Variants in CREBRF observed in about 807,000 individuals in gnomAD.
CREBRF encodes the protein CREB3 regulatory factor, also known as UPF0474 protein C5orf41.
A neutral mutation model predicts 66.1 loss-of-function variants in CREBRF; 5 were observed. That is an observed-to-expected ratio of 0.08 (90% CI 0.04 to 0.16). The LOEUF is 0.16. CREBRF is among the 10% of genes least tolerant of loss of function. CREBRF has a pLI of 1.00. For synonymous variants in CREBRF, 229 were observed against 264.4 expected (o/e 0.87, Z 1.30); for missense variants, 531 against 744.9 (o/e 0.71, Z 3.34).
At position 173,136,553 on chromosome 5, in the gene CREBRF, A is replaced by C. The variant is rs1349884302; in HGVS notation, c.*2808A>C. On this transcript the variant is annotated 3_prime_UTR_variant, in exon 9 of 9. Coordinates refer to ENST00000296953, the MANE Select transcript of CREBRF (RefSeq NM_153607.3). ...CCTCTTGCTGTTTTAACTTTATCATAAAGATGACATAGGCAAGCTGTGCAG... is the reference window on the plus strand; with the variant it reads ...CCTCTTGCTGTTTTAACTTTATCATCAAGATGACATAGGCAAGCTGTGCAG... 3 of 152,524 alleles carry C rather than the reference A, an allele frequency of 2.0e-5. No individual in the cohort carries two copies. Among genetic ancestry groups the C allele is most frequent in the African/African-American group, 7.2e-5 (3 of 41,456 alleles). The allele number at this position is 152,524 out of a possible 1,614,324, so 9.4% of individuals were successfully genotyped here.
At chr5:173,064,082 G>GT (rs368758322) in intron 1 of CREBRF, among the ~76,000 whole-genome samples, 5,760 of 151,090 alleles carry the variant, frequency 0.038, 229 homozygotes, top group African/African-American at 0.095. Flanking sequence ...TTGTCCTCCA[G>GT]TTTTTTTTTA....
intron 4 of CREBRF, among the ~76,000 whole-genome samples, chr5:173,093,877 C>T (rs965205492): frequency 3.9e-5 from 6 of 152,202 alleles, no homozygotes; most frequent in African/African-American, 1.4e-4. Context: ...ATTCATCCTG[C>T]ATAACTGAAA....
intron 2 of CREBRF, among the ~76,000 whole-genome samples, chr5:173,083,918 G>A (rs1286397246): frequency 2.0e-5 from 3 of 152,040 alleles, no homozygotes; most frequent in African/African-American, 7.2e-5. Context: ...TATTTCAAAG[G>A]TGCAATACTT....
chr5:173,114,600 G>A (rs1386665931), intron 7 of CREBRF, among the ~76,000 whole-genome samples: 1 of 152,170 alleles, frequency 6.6e-6, no homozygotes, highest in Non-Finnish European at 1.5e-5. Flanking sequence ...TATGAAAAAT[G>A]TACTCTGTTG....
rs146596633 is a variant in CREBRF at position 173,093,572 on chromosome 5, G to A, written c.1222+2171G>A. ...GGCTCAATTGCCTAGGCTGGAGTGCGGTGGCACAATCTTGGCTCACTGCAA... is the reference window on the plus strand; with the variant it reads ...GGCTCAATTGCCTAGGCTGGAGTGCAGTGGCACAATCTTGGCTCACTGCAA... On this transcript the variant is annotated intron_variant, in intron 4 of 8. Transcript: ENST00000296953. Among the ~76,000 whole-genome samples the A allele has an allele frequency of 1.4e-4, 22 of 152,224 alleles. No homozygotes were observed. The East Asian group carries it at 3.3e-3, about 23-fold the overall frequency.
chr5:173,077,714 C>T (rs923583376), intron 1 of CREBRF, among the ~76,000 whole-genome samples: 2 of 151,982 alleles, frequency 1.3e-5, no homozygotes, highest in African/African-American at 4.8e-5. Flanking sequence ...TTTTATCATC[C>T]CAAACAGAAA....
At chr5:173,127,886 G>T (rs1279893617) in intron 8 of CREBRF, among the ~76,000 whole-genome samples, 1 of 152,146 alleles carries the variant, frequency 6.6e-6, no homozygotes, top group East Asian at 1.9e-4. Flanking sequence ...AGTGAGCAAA[G>T]CATTTTTGTT....
At position 173,090,628 on chromosome 5, in the gene CREBRF, T is replaced by C. The variant is rs1758296907; in HGVS notation, c.449T>C (p.Val150Ala). The C allele has an allele frequency of 6.2e-7, 1 of 1,614,074 alleles. No individual in the cohort carries two copies. The highest frequency in any genetic ancestry group is 1.1e-5 in the South Asian group (1 of 91,088). The change falls in exon 4 of 9, where the codon GTT (valine) becomes GCT (alanine). Residue 150 changes from valine to alanine, a missense_variant. By Grantham distance (64) the Val-to-Ala change is moderately conservative (BLOSUM62 0). This residue lies in a region of CREBRF where 133 missense variants were observed against 215.6 expected (regional missense o/e 0.62). Coordinates refer to ENST00000296953, the MANE Select transcript of CREBRF (RefSeq NM_153607.3). This position sits in a 1 kb window ranked among gnomAD's most constrained non-coding sequence, Gnocchi z 4.5. ...AQLNSEDSQS[V>A]SDSLYYPDSL... ...CTTAATAGTGAGGACTCACAGTCTG[T>C]TTCTGATTCCCTTTATTACCCCGAT...
chr5:173,077,495 C>A (rs1264859239), intron 1 of CREBRF, among the ~76,000 whole-genome samples: 1 of 151,920 alleles, frequency 6.6e-6, no homozygotes, highest in Non-Finnish European at 1.5e-5. Flanking sequence ...CAGGTTCAAG[C>A]GATTCTCCTG....
intron 8 of CREBRF, among the ~76,000 whole-genome samples, chr5:173,124,770 T>C (rs1489364292): frequency 6.6e-6 from 1 of 152,042 alleles, no homozygotes; most frequent in Non-Finnish European, 1.5e-5. Flanking sequence ...CAAATGTTTT[T>C]AGTGTTTGAT....
chr5:173,117,639 TTCTCTCCTC>T (rs1213746550), intron 7 of CREBRF, among the ~76,000 whole-genome samples: 2 of 56,506 alleles, frequency 3.5e-5, no homozygotes, highest in Non-Finnish European at 8.5e-5. Context: ...CCCTCCCTCC[TTCTCTCCTC>T]TCTCTCTCTC....
Position 173,086,554 on chromosome 5 carries a change from C to G in CREBRF, c.63C>G (p.Thr21=), listed in dbSNP as rs770323307. The stretch of plus-strand genomic sequence containing the variant: ...TCGGGGATGCCTTTCGAAGCCACAC[C>G]TTTTCGGAACAAACTCTGATGAGCA... ...PPFGDAFRSH[T]FSEQTLMSTD... is the part of the protein sequence containing the mutation. Residue 21 remains threonine, a synonymous_variant, in exon 3 of 9, where the codon ACC becomes ACG. Transcript: ENST00000296953. 1 of 1,613,918 alleles carries G rather than the reference C, an allele frequency of 6.2e-7. No homozygotes were observed. The highest frequency in any genetic ancestry group is 8.5e-7 in the Non-Finnish European group (1 of 1,179,886).
At chr5:173,121,926 T>TCACCA (rs1323761646) in intron 7 of CREBRF, among the ~76,000 whole-genome samples, 1 of 152,012 alleles carries the variant, frequency 6.6e-6, no homozygotes, top group Non-Finnish European at 1.5e-5. Flanking sequence ...CTATTCACAG[T>TCACCA]CACCATCCTA....
chr5:173,085,375 G>T, intron 2 of CREBRF: 1 of 1,267,622 alleles, frequency 7.9e-7, no homozygotes, highest in Non-Finnish European at 1.1e-6. Flanking sequence ...CGATCCTGGA[G>T]GCTCCAGGGC....
At chr5:173,121,141 G>A (rs1759129499) in intron 7 of CREBRF, among the ~76,000 whole-genome samples, 1 of 152,054 alleles carries the variant, frequency 6.6e-6, no homozygotes, top group Admixed American at 6.6e-5. Context: ...TTTCGTTACT[G>A]ATATGAGTGA....
At chr5:173,082,837 G>T (rs568855407) in intron 2 of CREBRF, among the ~76,000 whole-genome samples, 4 of 140,922 alleles carry the variant, frequency 2.8e-5, no homozygotes, top group African/African-American at 1.1e-4. Context: ...TGAACCCTGC[G>T]GGGGGAGGTT....
intron 1 of CREBRF, among the ~76,000 whole-genome samples, chr5:173,075,436 C>T (rs1757730871): frequency 6.6e-6 from 1 of 152,232 alleles, no homozygotes; most frequent in South Asian, 2.1e-4. Context: ...TCAACTGTAC[C>T]GTGAAACAGG....
At chr5:173,072,870 G>A (rs575428397) in intron 1 of CREBRF, among the ~76,000 whole-genome samples, 1 of 152,260 alleles carries the variant, frequency 6.6e-6, no homozygotes, top group East Asian at 1.9e-4. Flanking sequence ...ATGCATTTGT[G>A]CTCAGTACAA....
chr5:173,076,880 A>G (rs1204890748), intron 1 of CREBRF, among the ~76,000 whole-genome samples: 1 of 152,126 alleles, frequency 6.6e-6, no homozygotes, highest in Admixed American at 6.5e-5. Flanking sequence ...AGCATGAACC[A>G]GCAAAGATTA....
Sources: allele counts gnomAD v4.1 joint callset (sites outside exome capture counted in the v4.1 genomes callset), GRCh38; gene constraint gnomAD v4.1.1; regional missense constraint gnomAD v4.1.1; non-coding constraint Gnocchi (gnomAD v3.1); transcripts MANE v1.5; gene names NCBI Gene and HGNC (gene_info 2026-07-23, HGNC 2026-07-21).